The following STARD13 variants were observed in gnomAD, a reference collection of about 807,000 sequenced individuals.
The protein encoded by STARD13 is stAR-related lipid transfer protein 13.
STARD13 carries 62 observed loss-of-function variants against 106.4 expected under a neutral mutation model. The observed-to-expected ratio is 0.58, with a 90% CI of 0.48 to 0.72. The LOEUF (loss-of-function observed/expected upper bound fraction) is 0.72. Ranked by LOEUF, STARD13 falls within the 30% of genes least tolerant of loss-of-function variation. The pLI, the probability that STARD13 is intolerant of heterozygous loss-of-function variation, is 0.00. For missense variants in STARD13, 1,387 were observed against 1,424.0 expected, an observed-to-expected ratio of 0.97 and a Z score of 0.42; for synonymous variants, 565 against 553.0, an observed-to-expected ratio of 1.02 and a Z score of -0.31.
chr13:33,589,243 A>G, the STARD13 span, among the ~76,000 whole-genome samples: 1 of 152,210 alleles, frequency 6.6e-6, no homozygotes, highest in African/African-American at 2.4e-5. Context: ...CTTTTCAAAA[A>G]ACCAGCTTCT....
At chr13:33,196,943 A>G (rs530087189) in intron 1 of STARD13, among the ~76,000 whole-genome samples, 174 of 152,344 alleles carry the variant, frequency 1.1e-3, no homozygotes, top group African/African-American at 4.0e-3. Flanking sequence ...GGCCTTTATG[A>G]CTTGAGATAT....
chr13:33,656,139 T>A, the STARD13 span, among the ~76,000 whole-genome samples: 2 of 152,214 alleles, frequency 1.3e-5, no homozygotes. Context: ...TTAAAATTTA[T>A]TATTACCTGT....
intron 1 of STARD13, among the ~76,000 whole-genome samples, chr13:33,264,436 G>T (rs1890795291): frequency 6.6e-6 from 1 of 152,218 alleles, no homozygotes; most frequent in South Asian, 2.1e-4. Context: ...TAGCTCAGCT[G>T]GTGGTAATGT....
At chr13:33,389,435 CTGG>C in the STARD13 span, among the ~76,000 whole-genome samples, 1 of 152,146 alleles carries the variant, frequency 6.6e-6, no homozygotes. Context: ...GAGAAACCTT[CTGG>C]TGGAGGAGCG....
At chr13:33,241,741 A>C (rs1889518297) in intron 1 of STARD13, among the ~76,000 whole-genome samples, 2 of 151,990 alleles carry the variant, frequency 1.3e-5, no homozygotes, top group African/African-American at 2.4e-5. Context: ...GGGGTTTCGC[A>C]GTGTTGGCCG....
Position 33,197,528 on chromosome 13 carries a change from C to T in STARD13, c.170-29906G>A, listed in dbSNP as rs137978682. 4.0e-4 allele frequency among the ~76,000 whole-genome samples: 61 copies of T among 151,840 alleles called. No homozygotes were observed. In the East Asian group the frequency reaches 0.01, roughly 26 times the overall value. ...GCTTATTGTCAGAGTTAAATATTTA[C>T]GCTATCTCATTCTCTCAGATCTGAT... On this transcript the variant is annotated intron_variant, in intron 1 of 13. Coordinates refer to ENST00000336934, the MANE Select transcript of STARD13 (RefSeq NM_178006.4).
At chr13:33,650,657 G>C in the STARD13 span, among the ~76,000 whole-genome samples, 13 of 152,204 alleles carry the variant, frequency 8.5e-5, no homozygotes, top group African/African-American at 3.1e-4. Flanking sequence ...ACAGATGAAG[G>C]TGTGCATGCT....
the STARD13 span, among the ~76,000 whole-genome samples, chr13:33,621,540 T>C: frequency 4.6e-5 from 7 of 150,618 alleles, no homozygotes; most frequent in Admixed American, 1.3e-4. Flanking sequence ...ATTAGCCGGG[T>C]GTGGTGGTGG....
In STARD13 at chr13:33,223,347, T is replaced by C. The variant is rs75262477; in HGVS notation, c.170-55725A>G. Among the ~76,000 whole-genome samples the C allele has an allele frequency of 4.8e-3, 737 of 152,286 alleles. 8 individuals are homozygous for C. Among genetic ancestry groups the C allele is most frequent in the African/African-American group, 0.017 (705 of 41,560 alleles). ...CATATGTAAGACACTTCTGGTTGTA[T>C]AGGCGAAATACACTTAAAAATACAA... On this transcript the variant is annotated intron_variant, in intron 1 of 13. Transcript: ENST00000336934.
chr13:33,262,347 T>C (rs961053117), intron 1 of STARD13, among the ~76,000 whole-genome samples: 2 of 152,152 alleles, frequency 1.3e-5, no homozygotes, highest in Non-Finnish European at 2.9e-5. Flanking sequence ...GGCTCCGTCC[T>C]GTTACTCTCC....
chr13:33,339,590 T>G (rs1164412463), intron 1 of STARD13, among the ~76,000 whole-genome samples: 1 of 152,270 alleles, frequency 6.6e-6, no homozygotes, highest in Non-Finnish European at 1.5e-5. Flanking sequence ...CATACACTTT[T>G]CATTTGTCAT....
chr13:33,272,346 A>G (rs893819139), intron 1 of STARD13, among the ~76,000 whole-genome samples: 1 of 152,228 alleles, frequency 6.6e-6, no homozygotes, highest in Non-Finnish European at 1.5e-5. Flanking sequence ...GAAGTTTCAG[A>G]TTCTGAAGCG....
chr13:33,372,145 C>T, the STARD13 span, among the ~76,000 whole-genome samples: 2 of 152,114 alleles, frequency 1.3e-5, no homozygotes, highest in Non-Finnish European at 2.9e-5. Flanking sequence ...CATAAGCAGT[C>T]GGGGAATATA....
chr13:33,533,801 GA>G, the STARD13 span, among the ~76,000 whole-genome samples: 4 of 152,142 alleles, frequency 2.6e-5, no homozygotes, highest in Non-Finnish European at 4.4e-5. Flanking sequence ...TCATGACTGT[GA>G]GGACTGGATA....
the STARD13 span, among the ~76,000 whole-genome samples, chr13:33,617,693 G>A: frequency 1.3e-5 from 2 of 152,120 alleles, no homozygotes; most frequent in Non-Finnish European, 1.5e-5. Flanking sequence ...AGATCATGGG[G>A]CCATCTTAGA....
chr13:33,403,866 G>C, the STARD13 span, among the ~76,000 whole-genome samples: 4 of 151,762 alleles, frequency 2.6e-5, no homozygotes, highest in African/African-American at 9.7e-5. Flanking sequence ...TTGCTATAAG[G>C]GTTAAAAAAA....
intron 1 of STARD13, among the ~76,000 whole-genome samples, chr13:33,207,836 G>A (rs999980063): frequency 6.6e-6 from 1 of 152,176 alleles, no homozygotes; most frequent in South Asian, 2.1e-4. Context: ...CCTGCTCGAT[G>A]CAGGCTGTGT....
the STARD13 span, among the ~76,000 whole-genome samples, chr13:33,501,078 C>CTTTTTTT: frequency 1.2e-4 from 11 of 94,088 alleles, no homozygotes; most frequent in African/African-American, 3.2e-4. Context: ...TCTCTCTCTC[C>CTTTTTTT]TTTTTTTTTT....
At chr13:33,167,927 T>C (rs1292665368) in intron 1 of STARD13, among the ~76,000 whole-genome samples, 1 of 151,752 alleles carries the variant, frequency 6.6e-6, no homozygotes, top group African/African-American at 2.4e-5. Context: ...GTCTTATTTA[T>C]ACACCAGGGA....
Sources: gnomAD v4.1 joint callset for allele counts (sites outside exome capture counted in the v4.1 genomes callset) on GRCh38, gnomAD v4.1.1 for gene constraint, MANE v1.5 for transcripts, NCBI Gene and HGNC (gene_info 2026-07-23, HGNC 2026-07-21) for gene names.